The following PDLIM2 variants were observed in gnomAD, a reference collection of about 807,000 sequenced individuals.
The protein encoded by PDLIM2 is PDZ and LIM domain 2.
Under a neutral mutation model 54.1 loss-of-function variants are expected in PDLIM2, and 51 were observed. The observed-to-expected ratio is 0.94, with a 90% CI of 0.75 to 1.19. PDLIM2 has a LOEUF of 1.19. Ranked by LOEUF, PDLIM2 falls within the 50% of genes most tolerant of loss-of-function variation. The pLI is 0.00. For synonymous variants in PDLIM2, 398 were observed against 385.6 expected (o/e 1.03, Z -0.38); for missense variants, 912 against 874.0 (o/e 1.04, Z -0.55).
chr8:22,588,966 A>G (rs1800452812), intron 6 of PDLIM2: 2 of 460,028 alleles, frequency 4.3e-6, no homozygotes, highest in South Asian at 4.6e-5. Context: ...GCACACAGAT[A>G]ATAGCGTGCG....
rs146478116 is a variant in PDLIM2 at position 22,579,871 on chromosome 8, T to C, written c.748+344T>C. 4.7e-3 allele frequency: 1,179 copies of C among 249,184 alleles called. 13 individuals are homozygous for C. The highest frequency in any genetic ancestry group is 0.025 in the African/African-American group (1,102 of 44,968). 15.4% of individuals were successfully genotyped at this position (249,184 alleles called of 1,614,324 possible). The stretch of plus-strand genomic sequence containing the variant: ...GGAGGCCTGTCACCCCGGCTGTCTG[T>C]CGGGCAGCATCAGGAATCTGGGGGT... On this transcript the variant is annotated intron_variant, in intron 1 of 9. Transcript: ENST00000308354.
chr8:22,594,723 C>G (rs966084242), downstream of PDLIM2: 13 of 1,527,538 alleles, frequency 8.5e-6, no homozygotes, highest in Non-Finnish European at 1.1e-5. Flanking sequence ...CTACCGACAC[C>G]TTCCACTTCT....
chr8:22,580,303 C>G, intron 1 of PDLIM2, 172 bp from the exon 1 acceptor site: 1 of 467,588 alleles, frequency 2.1e-6, no homozygotes, highest in Non-Finnish European at 3.8e-6. Flanking sequence ...CCCCTGCCCC[C>G]CATGCTCCAG....
In PDLIM2 at chr8:22,581,361, A is replaced by G. The variant is rs1800196039; in HGVS notation, c.844-18A>G. The G allele has an allele frequency of 6.3e-7, 1 of 1,586,318 alleles. No individual in the cohort carries two copies. The highest frequency in any genetic ancestry group is 8.6e-7 in the Non-Finnish European group (1 of 1,168,466). ...AGCTGGGCCACGGTCTGAGCATGCC[A>G]GCTCCTCATCCCTACAGGTGGCCGA... On this transcript the variant is annotated intron_variant, in intron 2 of 9. Coordinates refer to ENST00000308354, the Ensembl canonical transcript of PDLIM2.
At chr8:22,579,405 C>A (rs538285975) in exon 1 of PDLIM2, 1 of 1,512,666 alleles carries the variant, frequency 6.6e-7, no homozygotes, top group Non-Finnish European at 8.8e-7. Flanking sequence ...CTCCTCCAGC[C>A]CCCAGCCCGC....
rs190103406 is a variant in PDLIM2, at chr8:22,582,915, C to T, written c.995+1385C>T. 3.4e-3 allele frequency among the ~76,000 whole-genome samples: 372 copies of T among 110,838 alleles called. 1 individual carries two copies. Among genetic ancestry groups the T allele is most frequent in the African/African-American group, 0.011 (333 of 28,986 alleles). The allele number at this position is 110,838 out of a possible 152,430, so 72.7% of individuals were successfully genotyped here. A position where few individuals can be genotyped will look rare whatever the true frequency, so the allele number is the denominator to read the frequency against. ...TTTTGCTGACGTGATGCCCACCCCC[C>T]CCCCCGCCCCCATCTCCCGCCTCCT... On this transcript the variant is annotated intron_variant, in intron 3 of 9. Coordinates refer to ENST00000308354, the Ensembl canonical transcript of PDLIM2.
At chr8:22,587,370 A>T (rs1379718213) in intron 6 of PDLIM2, among the ~76,000 whole-genome samples, 2 of 151,578 alleles carry the variant, frequency 1.3e-5, no homozygotes, top group Non-Finnish European at 3.0e-5. Flanking sequence ...CCATCTCTTT[A>T]AAAAAAATCG....
exon 1 of PDLIM2, chr8:22,579,033 C>A (rs1273140387): frequency 8.1e-7 from 1 of 1,240,752 alleles, no homozygotes; most frequent in Non-Finnish European, 1.0e-6. Flanking sequence ...GCTCGCCGCG[C>A]GGAGGCGGCG....
rs750864450 is a variant in PDLIM2 at position 22,589,752 on chromosome 8, G to A, written c.1513+11G>A. 8 of 1,559,158 alleles carry A rather than the reference G, an allele frequency of 5.1e-6. No individual in the cohort carries two copies. Among genetic ancestry groups the A allele is most frequent in the African/African-American group, 4.1e-5 (3 of 73,658 alleles). On this transcript the variant is annotated intron_variant, in intron 8 of 9. Transcript: ENST00000308354. ...AGGCTGAGGAGAGAGGTGAGGGTCTGGGGGGCTGGGGAGGGGAAGGAGGTT... is the reference window on the plus strand; with the variant it reads ...AGGCTGAGGAGAGAGGTGAGGGTCTAGGGGGCTGGGGAGGGGAAGGAGGTT...
exon 8 of PDLIM2, chr8:22,589,728 G>A (rs767822324): frequency 2.6e-5 from 40 of 1,567,728 alleles, no homozygotes; most frequent in Non-Finnish European, 7.8e-6. Flanking sequence ...AAGCCCTGGA[G>A]GCTGAGGAGA....
chr8:22,589,476 T>G, intron 7 of PDLIM2, 102 bp downstream of exon 6: 9 of 1,528,126 alleles, frequency 5.9e-6, no homozygotes, highest in Non-Finnish European at 8.0e-6. Context: ...CCAAGCCCAG[T>G]TGGCTCCTCC....
rs1298592570 is a variant in PDLIM2 at position 22,585,408 on chromosome 8, C to T, written c.1290+9C>T. 1.9e-6 allele frequency: 3 copies of T among 1,603,950 alleles called. No individual in the cohort carries two copies. Among genetic ancestry groups the T allele is most frequent in the South Asian group, 2.2e-5 (2 of 89,814 alleles). On this transcript the variant is annotated intron_variant, in intron 6 of 9. Transcript: ENST00000308354. ...GCCCTGGAAGCCGACAGGTGAGGCT[C>T]CCTGGGGGAGGACAGGCTGGAGGAA...
intron 6 of PDLIM2, among the ~76,000 whole-genome samples, chr8:22,586,178 G>T (rs148270286): frequency 2.0e-5 from 3 of 152,300 alleles, no homozygotes; most frequent in Non-Finnish European, 4.4e-5. Flanking sequence ...GCCTTTGGGG[G>T]TGGCCAGGGA....
chr8:22,594,688 G>A (rs746668478), downstream of PDLIM2: 2 of 1,586,738 alleles, frequency 1.3e-6, no homozygotes, highest in Non-Finnish European at 1.7e-6. Context: ...CCCACCAAGG[G>A]TTGGGCCCCC....
At chr8:22,585,216 T>C in intron 5 of PDLIM2, 54 bp downstream of exon 4, 9 of 1,606,334 alleles carry the variant, frequency 5.6e-6, no homozygotes, top group Non-Finnish European at 7.7e-6. Context: ...AGCTCCAGGC[T>C]GGCTCCTCTG....
intron 1 of PDLIM2, chr8:22,580,265 G>A (rs980242010): frequency 1.1e-5 from 4 of 378,048 alleles, no homozygotes; most frequent in Non-Finnish European, 2.0e-5. Flanking sequence ...GAGACTGAGG[G>A]GGTGCTGGCA....
intron 3 of PDLIM2, 37 bp from the exon 3 acceptor site, chr8:22,584,784 G>T: frequency 6.2e-7 from 1 of 1,602,846 alleles, no homozygotes; most frequent in Non-Finnish European, 8.5e-7. Flanking sequence ...AGGGTGCAGG[G>T]CCCCTGTGAC....
chr8:22,591,023 T>G (rs1800529269), intron 8 of PDLIM2: 1 of 174,190 alleles, frequency 5.7e-6, no homozygotes, highest in Non-Finnish European at 1.2e-5. Flanking sequence ...CTGGTCTGTT[T>G]TGACCCTGAG....
At chr8:22,580,267 G>T (rs920822873) in intron 1 of PDLIM2, 4 of 381,238 alleles carry the variant, frequency 1.0e-5, no homozygotes, top group Non-Finnish European at 2.0e-5. Flanking sequence ...GACTGAGGGG[G>T]TGCTGGCATC....
Sources: gnomAD v4.1 joint callset for allele counts (sites outside exome capture counted in the v4.1 genomes callset) on GRCh38, gnomAD v4.1.1 for gene constraint, MANE v1.5 for transcripts, NCBI Gene and HGNC (gene_info 2026-07-23, HGNC 2026-07-21) for gene names.